Variants in HTR7 observed in about 807,000 individuals in gnomAD.
HTR7 encodes the protein 5-HT-7.
HTR7 carries 16 observed loss-of-function variants against 34.0 expected under a neutral mutation model. The observed-to-expected ratio is 0.47, with a 90% CI of 0.32 to 0.71. HTR7 has a LOEUF of 0.71. HTR7 is among the 30% of genes least tolerant of loss of function. The pLI is 0.04. For synonymous variants in HTR7, 265 were observed against 260.2 expected (o/e 1.02, Z -0.18); for missense variants, 504 against 625.5 (o/e 0.81, Z 2.07).
intron 1 of HTR7, among the ~76,000 whole-genome samples, chr10:90,853,272 ATTTC>A (rs1442693155): frequency 3.6e-5 from 5 of 137,588 alleles, no homozygotes; most frequent in Non-Finnish European, 7.8e-5. Flanking sequence ...AAGTAATTTG[ATTTC>A]TTTTTTTTTT....
chr10:90,762,735 C>T (rs77975427), intron 1 of HTR7, among the ~76,000 whole-genome samples: 10,959 of 152,150 alleles, frequency 0.072, 457 homozygotes, highest in Middle Eastern at 0.16. Flanking sequence ...AGCTTTTACC[C>T]GGTGTTTTCT....
chr10:90,828,452 A>C (rs1293266208), intron 1 of HTR7, among the ~76,000 whole-genome samples: 2 of 152,164 alleles, frequency 1.3e-5, no homozygotes, highest in African/African-American at 4.8e-5. Context: ...AAACTTGACA[A>C]ACCTTTAGCC....
intron 1 of HTR7, among the ~76,000 whole-genome samples, chr10:90,851,687 G>T (rs575559939): frequency 6.6e-6 from 1 of 150,944 alleles, no homozygotes; most frequent in Non-Finnish European, 1.5e-5. Context: ...TTTGTCACTA[G>T]CAAACCCTCA....
chr10:90,757,979 G>C (rs145566622), intron 1 of HTR7, among the ~76,000 whole-genome samples: 134 of 152,254 alleles, frequency 8.8e-4, no homozygotes, highest in Non-Finnish European at 1.6e-3. Context: ...GCTAAGTTAA[G>C]AAAATAAATT....
intron 1 of HTR7, among the ~76,000 whole-genome samples, chr10:90,759,057 C>T (rs1844886604): frequency 6.6e-6 from 1 of 151,900 alleles, no homozygotes; most frequent in Non-Finnish European, 1.5e-5. Flanking sequence ...CGTGGTGGCA[C>T]ATGCCTGTCA....
intron 1 of HTR7, among the ~76,000 whole-genome samples, chr10:90,782,421 A>T (rs1845319524): frequency 6.6e-6 from 1 of 152,202 alleles, no homozygotes; most frequent in Non-Finnish European, 1.5e-5. Flanking sequence ...TGCATGATAC[A>T]TAGTATGCCC....
intron 1 of HTR7, among the ~76,000 whole-genome samples, chr10:90,781,994 G>A (rs140548430): frequency 6.6e-6 from 1 of 152,292 alleles, no homozygotes; most frequent in East Asian, 1.9e-4. Context: ...GCCTGGGTTG[G>A]ATCAGGCTGG....
At chr10:90,776,084 C>A (rs1231788286) in intron 1 of HTR7, among the ~76,000 whole-genome samples, 3 of 152,116 alleles carry the variant, frequency 2.0e-5, no homozygotes, top group South Asian at 2.1e-4. Flanking sequence ...ACACTGACAG[C>A]ACATCATAAT....
At chr10:90,803,834 A>C (rs1406833848) in intron 1 of HTR7, among the ~76,000 whole-genome samples, 1 of 152,144 alleles carries the variant, frequency 6.6e-6, no homozygotes, top group African/African-American at 2.4e-5. Context: ...AGGCAGGAAA[A>C]TACTGGGTAG....
intron 2 of HTR7, among the ~76,000 whole-genome samples, chr10:90,744,299 T>G (rs1332736860): frequency 1.3e-5 from 2 of 150,126 alleles, no homozygotes; most frequent in Non-Finnish European, 3.0e-5. Flanking sequence ...AGACTTCAAC[T>G]GTCCCTTACT....
chr10:90,856,442 G>T (rs548541791), intron 1 of HTR7, among the ~76,000 whole-genome samples: 2 of 152,296 alleles, frequency 1.3e-5, no homozygotes, highest in East Asian at 3.9e-4. Flanking sequence ...CAGATGGTCA[G>T]CCTCTGTTTC....
intron 1 of HTR7, among the ~76,000 whole-genome samples, chr10:90,856,718 TG>T (rs11313326): frequency 0.21 from 31,373 of 152,014 alleles, 4,076 homozygotes; most frequent in African/African-American, 0.35. Context: ...GCTCCCACAA[TG>T]GGGTAAGCAA....
chr10:90,804,849 C>T (rs148557469), intron 1 of HTR7, among the ~76,000 whole-genome samples: 1 of 152,224 alleles, frequency 6.6e-6, no homozygotes, highest in African/African-American at 2.4e-5. Context: ...CCTCCTTCCT[C>T]TTGCAACCTC....
chr10:90,857,615 G>A lies in HTR7; in HGVS notation c.57C>T (p.Phe19=), dbSNP rs759104365. ...RPDLYGHLRS[F]LLPEVGRGLP... ...GCCCGCGCCCCACTTCTGGCAGAAG[G>A]AAAGAGCGGAGGTGCCCGTAGAGGT... The change falls in exon 1 of 4, where the codon TTC becomes TTT. Residue 19 remains phenylalanine (F), a synonymous_variant. Transcript: ENST00000336152. The surrounding 1 kb of genome is among the most constrained non-coding windows in gnomAD (Gnocchi z 6.5). 4 of 1,599,642 alleles carry A rather than the reference G, an allele frequency of 2.5e-6. No homozygotes were observed. Among genetic ancestry groups the A allele is most frequent in the Non-Finnish European group, 3.4e-6 (4 of 1,175,558 alleles).
At chr10:90,845,452 C>T (rs2120106031) in intron 1 of HTR7, among the ~76,000 whole-genome samples, 1 of 152,308 alleles carries the variant, frequency 6.6e-6, no homozygotes, top group South Asian at 2.1e-4. Context: ...TGAGCTTCCT[C>T]AGCTTCCTCA....
At position 90,821,371 on chromosome 10, in the gene HTR7, G is replaced by A. The variant is rs555186476; in HGVS notation, c.539+35762C>T. On this transcript the variant is annotated intron_variant, in intron 1 of 3. Coordinates refer to ENST00000336152, the MANE Select transcript of HTR7 (RefSeq NM_019859.4). ...TTGTGGGACTTTGCATTGGAACTCAGTGCTGTCTGTCACAGTGAAAAGCAA... is the reference window on the plus strand; with the variant it reads ...TTGTGGGACTTTGCATTGGAACTCAATGCTGTCTGTCACAGTGAAAAGCAA... Among the ~76,000 whole-genome samples, 11 of 152,288 alleles carry A rather than the reference G, an allele frequency of 7.2e-5. No homozygotes were observed. The South Asian group carries it at 2.3e-3, about 32-fold the overall frequency.
chr10:90,820,038 G>T (rs1845954381), intron 1 of HTR7, among the ~76,000 whole-genome samples: 1 of 152,028 alleles, frequency 6.6e-6, no homozygotes, highest in Non-Finnish European at 1.5e-5. Flanking sequence ...TATCAGGAAG[G>T]AAAATCTATT....
chr10:90,851,938 C>T (rs903128516), intron 1 of HTR7, among the ~76,000 whole-genome samples: 2 of 152,196 alleles, frequency 1.3e-5, no homozygotes, highest in Non-Finnish European at 2.9e-5. Context: ...TCACCTTCCA[C>T]CATGATTGTG....
At chr10:90,806,071 A>G (rs923761143) in intron 1 of HTR7, among the ~76,000 whole-genome samples, 4 of 152,216 alleles carry the variant, frequency 2.6e-5, no homozygotes, top group Non-Finnish European at 5.9e-5. Context: ...AGAGTTCATA[A>G]AGAAACTAAG....
Sources: allele counts gnomAD v4.1 joint callset (sites outside exome capture counted in the v4.1 genomes callset), GRCh38; gene constraint gnomAD v4.1.1; non-coding constraint Gnocchi (gnomAD v3.1); transcripts MANE v1.5; gene names NCBI Gene and HGNC (gene_info 2026-07-23, HGNC 2026-07-21).